Variants in PLEKHA8 observed in about 807,000 individuals in gnomAD.
PLEKHA8 encodes pleckstrin homology domain containing A8.
PLEKHA8 carries 36 observed loss-of-function variants against 68.2 expected under a neutral mutation model. The ratio of observed to expected loss-of-function variants is 0.53; its 90% CI spans 0.40 to 0.70. PLEKHA8 has a LOEUF of 0.70. Among genes scored for constraint, PLEKHA8 ranks in the 30% least tolerant of loss-of-function variants. The pLI, the probability that PLEKHA8 is intolerant of heterozygous loss-of-function variation, is 0.00. For synonymous variants in PLEKHA8, 211 were observed against 216.1 expected (o/e 0.98, Z 0.20); for missense variants, 505 against 615.4 (o/e 0.82, Z 1.90).
At chr7:30,090,312 G>A in exon 13 of PLEKHA8, 7 of 1,082,416 alleles carry the variant, frequency 6.5e-6, no homozygotes, top group Non-Finnish European at 9.2e-6. Flanking sequence ...AAACAATGGG[G>A]GAGTATTTCC....
rs1206258006 is a variant in PLEKHA8, at chr7:30,074,112, G to T, written c.1342G>T (p.Val448Leu). ...AACATTGCGGCAACACCATGGCTGG[G>T]TAGTTCGAGGGGTTTTTGCGGTAAG... Reference protein sequence around the residue: ...GKTLRQHHGWVVRGVFALALR... With the variant: ...GKTLRQHHGWLVRGVFALALR... Residue 448 changes from valine (V) to leucine (L), a missense_variant, in exon 13 of 14, where the codon GTA becomes TTA. By Grantham distance (32) the Val-to-Leu change is conservative. Coordinates refer to ENST00000449726, the MANE Select transcript of PLEKHA8 (RefSeq NM_001197026.2). The T allele has an allele frequency of 1.2e-6, 2 of 1,613,324 alleles. No homozygotes were observed. Among genetic ancestry groups the T allele is most frequent in the East Asian group, 4.5e-5 (2 of 44,882 alleles).
At chr7:30,037,745 A>AT (rs973987661) in intron 1 of PLEKHA8, among the ~76,000 whole-genome samples, 18 of 142,990 alleles carry the variant, frequency 1.3e-4, no homozygotes, top group East Asian at 1.0e-3. Context: ...GTCCCTTTTC[A>AT]TTTTTTTTTT....
intron 10 of PLEKHA8, 98 bp downstream of exon 10, chr7:30,061,040 G>T: frequency 1.8e-6 from 2 of 1,130,940 alleles, no homozygotes; most frequent in Non-Finnish European, 2.6e-6. Flanking sequence ...AGTGAAAAAT[G>T]TGTCACTGTT....
In PLEKHA8 at chr7:30,078,794, C is replaced by T. The variant is rs781329169; in HGVS notation, c.*7C>T. On this transcript the variant is annotated 3_prime_UTR_variant, in exon 14 of 14. Coordinates refer to ENST00000449726, the MANE Select transcript of PLEKHA8 (RefSeq NM_001197026.2). ...ATCTGATGAGGTGGTATGATGGCTG[C>T]TGGGCAGCACCTCCTAACTTCAGGG... 2.5e-6 allele frequency: 4 copies of T among 1,610,920 alleles called. No homozygotes were observed. Among genetic ancestry groups the T allele is most frequent in the Admixed American group, 1.7e-5 (1 of 59,486 alleles).
At position 30,055,276 on chromosome 7, in the gene PLEKHA8, C is replaced by G. The variant is rs1245798219; in HGVS notation, c.973C>G (p.Leu325Val). The G allele has an allele frequency of 6.2e-7, 1 of 1,614,000 alleles. No individual in the cohort carries two copies. The highest frequency in any genetic ancestry group is 8.5e-7 in the Non-Finnish European group (1 of 1,179,998). ...MNTSFSDIEL[L>V]EDSGIPTEAF... ...ATGTAGCTTTAGTGACATTGAACTT[C>G]TGGAAGACAGTGGCATTCCCACAGA... Residue 325 changes from leucine to valine, a missense_variant, in exon 9 of 14, where the codon CTG becomes GTG. Coordinates refer to ENST00000449726, the MANE Select transcript of PLEKHA8 (RefSeq NM_001197026.2).
downstream of PLEKHA8, among the ~76,000 whole-genome samples, chr7:30,086,615 CT>C (rs147512009): frequency 0.028 from 4,337 of 152,216 alleles, 198 homozygotes; most frequent in African/African-American, 0.098. Context: ...ATGCCACTTG[CT>C]ATTACTCCAG....
intron 13 of PLEKHA8, among the ~76,000 whole-genome samples, chr7:30,107,576 T>C (rs1796107841): frequency 6.6e-6 from 1 of 152,192 alleles, no homozygotes; most frequent in Non-Finnish European, 1.5e-5. Flanking sequence ...AAAGGTTTTA[T>C]ACAATGCTGA....
Position 30,074,888 on chromosome 7 carries a change from G to A in PLEKHA8, c.1362+756G>A, listed in dbSNP as rs545287591. On this transcript the variant is annotated intron_variant, in intron 13 of 13. Transcript: ENST00000449726. ...AAACCTGAGACTCTTAGTCTCCTGG[G>A]GAAGTCACTTAGACTGCTTTATAAA... Among the ~76,000 whole-genome samples, 3 of 152,238 alleles carry A rather than the reference G, an allele frequency of 2.0e-5. No homozygotes were observed. The South Asian group carries it at 6.2e-4, about 32-fold the overall frequency.
intron 13 of PLEKHA8, among the ~76,000 whole-genome samples, chr7:30,076,174 A>T (rs549055092): frequency 5.9e-5 from 9 of 152,074 alleles, no homozygotes; most frequent in Admixed American, 1.3e-4. Flanking sequence ...GTATAATTTT[A>T]TATCCCCCCA....
chr7:30,044,242 T>C (rs545862592), intron 1 of PLEKHA8, among the ~76,000 whole-genome samples: 19 of 152,152 alleles, frequency 1.2e-4, no homozygotes, highest in African/African-American at 4.3e-4. Flanking sequence ...CCTGACCTCA[T>C]GATCCATCCA....
At chr7:30,057,670 A>G (rs1456407558) in intron 9 of PLEKHA8, among the ~76,000 whole-genome samples, 3 of 152,146 alleles carry the variant, frequency 2.0e-5, no homozygotes, top group Admixed American at 2.0e-4. Context: ...CATGTTGGCC[A>G]GGCTGGTCTC....
chr7:30,030,643 C>G (rs1183453003), intron 1 of PLEKHA8, among the ~76,000 whole-genome samples: 1 of 152,174 alleles, frequency 6.6e-6, no homozygotes, highest in Non-Finnish European at 1.5e-5. Context: ...CCACGTGCCC[C>G]GTCCTTGTAG....
chr7:30,125,826 C>T (rs1241121659), intron 13 of PLEKHA8, among the ~76,000 whole-genome samples: 1 of 151,910 alleles, frequency 6.6e-6, no homozygotes, highest in Non-Finnish European at 1.5e-5. Flanking sequence ...ATTTATTTTT[C>T]TATATAAAAA....
At chr7:30,036,021 C>T (rs1171750698) in intron 1 of PLEKHA8, among the ~76,000 whole-genome samples, 4 of 151,996 alleles carry the variant, frequency 2.6e-5, no homozygotes, top group African/African-American at 4.8e-5. Context: ...TTTGGGAGGC[C>T]GACATGGGCA....
At chr7:30,028,905 T>C in intron 1 of PLEKHA8, 103 bp downstream of exon 1, 1 of 1,161,468 alleles carries the variant, frequency 8.6e-7, no homozygotes, top group Middle Eastern at 2.2e-4. Context: ...GTCACGGCCC[T>C]TTCCTGAGGC....
chr7:30,068,560 G>GT (rs1470052746), intron 12 of PLEKHA8, among the ~76,000 whole-genome samples: 2 of 151,876 alleles, frequency 1.3e-5, no homozygotes, highest in African/African-American at 4.8e-5. Flanking sequence ...TTTCTCTTAG[G>GT]TTTTCTTTAT....
chr7:30,068,702 T>C (rs1214751523), intron 12 of PLEKHA8, among the ~76,000 whole-genome samples: 1 of 152,232 alleles, frequency 6.6e-6, no homozygotes, highest in Non-Finnish European at 1.5e-5. Flanking sequence ...TCTTTATCTA[T>C]GGTGTCTTTT....
intron 13 of PLEKHA8, among the ~76,000 whole-genome samples, chr7:30,120,993 C>T (rs1796687494): frequency 6.6e-6 from 1 of 151,774 alleles, no homozygotes; most frequent in Non-Finnish European, 1.5e-5. Context: ...CACCAGAGAA[C>T]TGACTTTTTC....
At chr7:30,029,197 A>G (rs1790459923) in intron 1 of PLEKHA8, among the ~76,000 whole-genome samples, 1 of 152,240 alleles carries the variant, frequency 6.6e-6, no homozygotes, top group South Asian at 2.1e-4. Context: ...GGAAGGTTTC[A>G]AAAGAATGCC....
Sources: allele counts gnomAD v4.1 joint callset (sites outside exome capture counted in the v4.1 genomes callset), GRCh38; gene constraint gnomAD v4.1.1; transcripts MANE v1.5; gene names NCBI Gene and HGNC (gene_info 2026-07-23, HGNC 2026-07-21).